ULK4: variants seen among roughly 807,000 people sequenced by gnomAD.
ULK4 encodes unc-51 like kinase 4.
A neutral mutation model predicts 160.6 loss-of-function variants in ULK4; 133 were observed. The ratio of observed to expected loss-of-function variants is 0.83; its 90% CI spans 0.72 to 0.96. The LOEUF is 0.96. Among genes scored for constraint, ULK4 ranks in the 40% least tolerant of loss-of-function variants. The probability of loss-of-function intolerance (pLI) is 0.00; values close to 1 mark genes in which losing one functional copy is unlikely to be tolerated. For synonymous variants in ULK4, 534 were observed against 539.8 expected, an observed-to-expected ratio of 0.99 and a Z score of 0.15; for missense variants, 1,580 against 1,499.5, an observed-to-expected ratio of 1.05 and a Z score of -0.89.
At chr3:41,427,352 C>A (rs905989923) in intron 34 of ULK4, among the ~76,000 whole-genome samples, 11 of 106,504 alleles carry the variant, frequency 1.0e-4, no homozygotes, top group Non-Finnish European at 1.5e-4. Flanking sequence ...AAGCTAGTAC[C>A]ATTTACCATT....
chr3:41,816,707 G>T (rs1181608555), intron 19 of ULK4, among the ~76,000 whole-genome samples: 1 of 152,144 alleles, frequency 6.6e-6, no homozygotes, highest in Admixed American at 6.5e-5. Flanking sequence ...AGCTACTTGG[G>T]AGGCTGAGGC....
chr3:41,877,601 C>T (rs939379501), intron 17 of ULK4, among the ~76,000 whole-genome samples: 3 of 151,998 alleles, frequency 2.0e-5, no homozygotes, highest in Non-Finnish European at 4.4e-5. Context: ...GCTGGTATTA[C>T]AGGCATGAGC....
At chr3:41,318,910 C>T (rs2080195674) in intron 35 of ULK4, among the ~76,000 whole-genome samples, 1 of 152,190 alleles carries the variant, frequency 6.6e-6, no homozygotes, top group Non-Finnish European at 1.5e-5. Context: ...GAAACTCAAA[C>T]CTACTTCCAG....
At chr3:41,329,348 A>G (rs2080399583) in intron 35 of ULK4, among the ~76,000 whole-genome samples, 1 of 152,214 alleles carries the variant, frequency 6.6e-6, no homozygotes, top group Non-Finnish European at 1.5e-5. Flanking sequence ...TTATTATAGT[A>G]TCCACTGCCT....
chr3:41,907,528 G>A (rs1218009536), intron 12 of ULK4, among the ~76,000 whole-genome samples: 1 of 151,842 alleles, frequency 6.6e-6, no homozygotes, highest in Non-Finnish European at 1.5e-5. Flanking sequence ...CCAACTCCTG[G>A]CCTCAAGTGA....
chr3:41,689,561 C>A (rs985329471), intron 27 of ULK4, among the ~76,000 whole-genome samples: 6 of 152,062 alleles, frequency 3.9e-5, no homozygotes, highest in African/African-American at 7.2e-5. Context: ...GGCTAATATC[C>A]AGCATCTACA....
chr3:41,585,364 C>A (rs1056546625), intron 31 of ULK4, among the ~76,000 whole-genome samples: 7 of 152,144 alleles, frequency 4.6e-5, no homozygotes, highest in African/African-American at 1.7e-4. Flanking sequence ...AGAAATAAAC[C>A]TGCGCATATA....
intron 17 of ULK4, among the ~76,000 whole-genome samples, chr3:41,852,484 TTACTCC>T (rs2042240478): frequency 6.6e-6 from 1 of 152,174 alleles, no homozygotes; most frequent in Admixed American, 6.6e-5. Context: ...CTTCTGCATA[TTACTCC>T]TACTGAAAGG....
chr3:41,850,367 G>A (rs968712796), intron 17 of ULK4, among the ~76,000 whole-genome samples: 1 of 152,092 alleles, frequency 6.6e-6, no homozygotes, highest in Non-Finnish European at 1.5e-5. Flanking sequence ...TCTAGTTCTA[G>A]ATCTCTGAGG....
chr3:41,393,635 T>A (rs2081999454), intron 35 of ULK4, among the ~76,000 whole-genome samples: 1 of 152,174 alleles, frequency 6.6e-6, no homozygotes, highest in Non-Finnish European at 1.5e-5. Context: ...TCTCTCTGGC[T>A]AGAGATCCCT....
At chr3:41,570,067 C>T (rs2087918352) in intron 31 of ULK4, among the ~76,000 whole-genome samples, 1 of 152,186 alleles carries the variant, frequency 6.6e-6, no homozygotes, top group African/African-American at 2.4e-5. Context: ...ATCCAGGAAC[C>T]TCTTGATTGG....
intron 19 of ULK4, among the ~76,000 whole-genome samples, chr3:41,802,010 A>T (rs1308487759): frequency 6.6e-6 from 1 of 152,070 alleles, no homozygotes; most frequent in Non-Finnish European, 1.5e-5. Flanking sequence ...TTTAAGTACC[A>T]AAAGAAAAAA....
In ULK4 at chr3:41,715,541, A is replaced by T; in HGVS notation, c.2483T>A (p.Val828Asp). ...TGTTGATGGGTGTTTACGTCCAGAA[A>T]CATTAGCCAAGGAGTTAAGAATGTC... ...LGDILNSLANVSGRKHPSTVQ... is the reference protein window; with the variant it reads ...LGDILNSLANDSGRKHPSTVQ... The change falls in exon 24 of 37, where the codon GTT becomes GAT. Residue 828 changes from valine to aspartate, a missense_variant. Transcript: ENST00000301831. 1 of 1,614,164 alleles carries T rather than the reference A, an allele frequency of 6.2e-7. No individual in the cohort carries two copies.
chr3:41,901,479 C>CT (rs566805860), intron 12 of ULK4, among the ~76,000 whole-genome samples: 4,158 of 22,538 alleles, frequency 0.18, 1,119 homozygotes, highest in African/African-American at 0.29. Context: ...CACGCCCAGC[C>CT]TTTTTTTTTT....
chr3:41,532,555 T>C (rs1271461805), intron 32 of ULK4, among the ~76,000 whole-genome samples: 1 of 152,198 alleles, frequency 6.6e-6, no homozygotes, highest in Non-Finnish European at 1.5e-5. Flanking sequence ...CTGTATTCTT[T>C]GCACATGGAA....
intron 21 of ULK4, among the ~76,000 whole-genome samples, chr3:41,768,531 T>C (rs1401453665): frequency 6.6e-6 from 1 of 152,148 alleles, no homozygotes; most frequent in Admixed American, 6.5e-5. Context: ...CCAAACAGCC[T>C]GTAGAGGTCC....
At chr3:41,584,985 A>G (rs2030684625) in intron 31 of ULK4, among the ~76,000 whole-genome samples, 1 of 152,198 alleles carries the variant, frequency 6.6e-6, no homozygotes, top group Admixed American at 6.5e-5. Context: ...ACTATAAAAC[A>G]CTGCCAAAAT....
At chr3:41,747,179 G>T (rs1377271015) in intron 22 of ULK4, among the ~76,000 whole-genome samples, 2 of 151,822 alleles carry the variant, frequency 1.3e-5, no homozygotes, top group African/African-American at 4.9e-5. Flanking sequence ...CAACACTTTG[G>T]TTCTGTAAAA....
In ULK4 at chr3:41,721,158, A is replaced by G. The variant is rs1284457276; in HGVS notation, c.2322-3297T>C. Among the ~76,000 whole-genome samples the G allele has an allele frequency of 2.7e-5, 4 of 150,916 alleles. No individual in the cohort carries two copies. In the South Asian group the frequency reaches 8.4e-4, roughly 32 times the overall value. On this transcript the variant is annotated intron_variant, in intron 22 of 36. Transcript: ENST00000301831. Reference sequence around the variant, plus strand: ...CATATTCATATTTGCTTAGATTTTTAAAAAATCCAGAGGGATAAATAAGCT... The same window carrying G: ...CATATTCATATTTGCTTAGATTTTTGAAAAATCCAGAGGGATAAATAAGCT...
Sources: allele counts gnomAD v4.1 joint callset (sites outside exome capture counted in the v4.1 genomes callset), GRCh38; gene constraint gnomAD v4.1.1; transcripts MANE v1.5; gene names NCBI Gene and HGNC (gene_info 2026-07-23, HGNC 2026-07-21).